TRIM55: variants seen among roughly 807,000 people sequenced by gnomAD.
The protein encoded by TRIM55 is tripartite motif containing 55, also known as tripartite motif-containing protein 55.
A neutral mutation model predicts 60.9 loss-of-function variants in TRIM55; 50 were observed. The ratio of observed to expected loss-of-function variants is 0.82; its 90% CI spans 0.65 to 1.04. The LOEUF (loss-of-function observed/expected upper bound fraction) is 1.04, where lower values mean the gene tolerates loss of function less well. Among genes scored for constraint, TRIM55 ranks in the 50% least tolerant of loss-of-function variants. The probability of loss-of-function intolerance (pLI) is 0.00; values close to 1 mark genes in which losing one functional copy is unlikely to be tolerated. For missense variants in TRIM55, 681 were observed against 666.9 expected (o/e 1.02, Z -0.23); for synonymous variants, 237 against 238.1 (o/e 1.00, Z 0.04).
chr8:66,147,994 A>T (rs1810198065), intron 4 of TRIM55, among the ~76,000 whole-genome samples: 1 of 152,164 alleles, frequency 6.6e-6, no homozygotes, highest in African/African-American at 2.4e-5. Flanking sequence ...AAAATGAAAG[A>T]ATATGTAATA....
chr8:66,159,038 T>C (rs1235518385), intron 9 of TRIM55, among the ~76,000 whole-genome samples: 1 of 152,236 alleles, frequency 6.6e-6, no homozygotes, highest in Admixed American at 6.5e-5. Context: ...ATCAACTTTA[T>C]TGAGATATAC....
Position 66,127,173 on chromosome 8 carries a change from C to T in TRIM55, c.-96C>T. The T allele has an allele frequency of 7.5e-7, 1 of 1,340,856 alleles. No homozygotes were observed. The highest frequency in any genetic ancestry group is 1.0e-6 in the Non-Finnish European group (1 of 975,268). 83.1% of individuals were successfully genotyped at this position (1,340,856 alleles called of 1,614,324 possible). ...TCCACCGAGAGAAACGTAAAGGACA[C>T]TTGATCACACAATCCCTGGAATAAT... On this transcript the variant is annotated 5_prime_UTR_variant, in exon 1 of 10. Coordinates refer to ENST00000315962, the MANE Select transcript of TRIM55 (RefSeq NM_184085.2).
At chr8:66,145,158 A>T (rs1232537480) in intron 4 of TRIM55, among the ~76,000 whole-genome samples, 1 of 152,228 alleles carries the variant, frequency 6.6e-6, no homozygotes, top group African/African-American at 2.4e-5. Flanking sequence ...ATTAGGGGAC[A>T]TCTAAGTTAG....
intron 9 of TRIM55, among the ~76,000 whole-genome samples, chr8:66,161,152 A>G (rs560637513): frequency 6.6e-6 from 1 of 151,980 alleles, no homozygotes; most frequent in Non-Finnish European, 1.5e-5. Context: ...TTATAGTTTC[A>G]GGTCTTAGAT....
At chr8:66,167,241 C>T (rs1811377407) in intron 9 of TRIM55, among the ~76,000 whole-genome samples, 1 of 152,200 alleles carries the variant, frequency 6.6e-6, no homozygotes. Flanking sequence ...TCATCTATAA[C>T]TGATAGTAAT....
At chr8:66,161,285 C>T (rs1811035739) in intron 9 of TRIM55, among the ~76,000 whole-genome samples, 1 of 152,146 alleles carries the variant, frequency 6.6e-6, no homozygotes, top group African/African-American at 2.4e-5. Context: ...AATATGGTGT[C>T]CTTTCCCCAC....
chr8:66,145,642 A>T (rs553198681), intron 4 of TRIM55, among the ~76,000 whole-genome samples: 2 of 151,938 alleles, frequency 1.3e-5, no homozygotes, highest in African/African-American at 4.8e-5. Flanking sequence ...TACCTTAAGC[A>T]TAGTGAATTT....
At chr8:66,147,725 G>A (rs1810171847) in intron 4 of TRIM55, among the ~76,000 whole-genome samples, 1 of 150,538 alleles carries the variant, frequency 6.6e-6, no homozygotes, top group Admixed American at 6.6e-5. Context: ...AACCTGGGAG[G>A]TGGAGCTTGC....
the TRIM55 span, among the ~76,000 whole-genome samples, chr8:66,118,035 G>A: frequency 4.0e-5 from 6 of 151,102 alleles, no homozygotes; most frequent in Non-Finnish European, 8.9e-5. Flanking sequence ...CGGGTGTGGT[G>A]GCGGGCCCCT....
chr8:66,128,230 G>C, intron 1 of TRIM55, 74 bp from the exon 2 acceptor site: 1 of 1,355,794 alleles, frequency 7.4e-7, no homozygotes, highest in South Asian at 1.4e-5. Context: ...TGTAGTAGCA[G>C]AGAGTGAAAA....
chr8:66,153,928 G>A, intron 8 of TRIM55, 119 bp from the exon 9 acceptor site: 1 of 961,880 alleles, frequency 1.0e-6, no homozygotes, highest in Non-Finnish European at 1.5e-6. Flanking sequence ...CGGCCACCAA[G>A]GCACTGCATG....
chr8:66,118,070 G>A, the TRIM55 span, among the ~76,000 whole-genome samples: 430 of 146,726 alleles, frequency 2.9e-3, 4 homozygotes, highest in African/African-American at 9.5e-3. Flanking sequence ...TCGGGAGGCT[G>A]AAGCAGGAGA....
chr8:66,113,463 A>G, the TRIM55 span: 172 of 455,296 alleles, frequency 3.8e-4, 1 homozygote, highest in East Asian at 0.012. Flanking sequence ...CGAAGGAGAC[A>G]AGTGCGGTTT....
chr8:66,137,153 T>C lies in TRIM55; in HGVS notation c.566T>C (p.Val189Ala). Residue 189 changes from valine (V) to alanine (A), a missense_variant, in exon 4 of 10, where the codon GTG (valine) becomes GCG (alanine). Coordinates refer to ENST00000315962, the MANE Select transcript of TRIM55 (RefSeq NM_184085.2). ...GGCAGCAACGATCGAGTCCAGGGAG[T>C]GATCAGCCAGCTGGAAGACACCTGC... ...LVGSNDRVQG[V>A]ISQLEDTCKT... 1 of 1,613,846 alleles carries C rather than the reference T, an allele frequency of 6.2e-7. No homozygotes were observed. Among genetic ancestry groups the C allele is most frequent in the Non-Finnish European group, 8.5e-7 (1 of 1,179,956 alleles).
At chr8:66,154,003 CTTTT>C (rs34117579) in intron 8 of TRIM55, 40 bp from the exon 9 acceptor site, 2 of 1,276,522 alleles carry the variant, frequency 1.6e-6, no homozygotes, top group Non-Finnish European at 1.1e-6. Context: ...TCTTCTTCTT[CTTTT>C]TTTTTTTCTT....
Position 66,127,516 on chromosome 8 carries a change from G to A in TRIM55, c.168+80G>A, listed in dbSNP as rs1808877277. On this transcript the variant is annotated intron_variant, in intron 1 of 9. Coordinates refer to ENST00000315962, the MANE Select transcript of TRIM55 (RefSeq NM_184085.2). ...TTGGAATCAAGTGCTTAACATTGAG[G>A]TGAAATCCTTTAAAAAACTTTATAA... The A allele has an allele frequency of 3.3e-6, 5 of 1,523,478 alleles. No individual in the cohort carries two copies. The Admixed American group carries it at 9.0e-5, about 27-fold the overall frequency. 94.4% of individuals were successfully genotyped at this position (1,523,478 alleles called of 1,614,324 possible).
chr8:66,166,850 C>T (rs763261940), intron 9 of TRIM55, among the ~76,000 whole-genome samples: 4 of 152,074 alleles, frequency 2.6e-5, no homozygotes, highest in Non-Finnish European at 5.9e-5. Flanking sequence ...TGGATGAATC[C>T]CCACTTCACT....
Position 66,150,228 on chromosome 8 carries a change from C to T in TRIM55, c.849C>T (p.Thr283=), listed in dbSNP as rs760172747. The change falls in exon 6 of 10, where the codon ACC becomes ACT. Residue 283 remains threonine, a synonymous_variant. Coordinates refer to ENST00000315962, the MANE Select transcript of TRIM55 (RefSeq NM_184085.2). ...GTTTGCTTTCACAGAATGCCAAAAC[C>T]CTGCTAAAAAAGTAAGAACTTTTTA... The part of the protein sequence containing the change: ...EMAVFLQNAK[T]LLKKISEASK... 31 of 1,612,824 alleles carry T rather than the reference C, an allele frequency of 1.9e-5. No individual in the cohort carries two copies. The highest frequency in any genetic ancestry group is 1.1e-4 in the South Asian group (10 of 90,790).
chr8:66,117,219 C>T, the TRIM55 span, among the ~76,000 whole-genome samples: 2 of 152,218 alleles, frequency 1.3e-5, no homozygotes, highest in African/African-American at 4.8e-5. Context: ...GTGCTTTCCT[C>T]CTAAGACCAA....
Sources: allele counts gnomAD v4.1 joint callset (sites outside exome capture counted in the v4.1 genomes callset), GRCh38; gene constraint gnomAD v4.1.1; transcripts MANE v1.5; gene names NCBI Gene and HGNC (gene_info 2026-07-23, HGNC 2026-07-21).